PCDH15: variants seen among roughly 807,000 people sequenced by gnomAD.
The protein encoded by PCDH15 is protocadherin related 15.
In PCDH15, 129 loss-of-function variants were observed where a neutral mutation model predicts 178.5. That is an observed-to-expected ratio of 0.72 (90% CI 0.63 to 0.84). PCDH15 has a LOEUF of 0.84. Among genes scored for constraint, PCDH15 ranks in the 40% least tolerant of loss-of-function variants. PCDH15 has a pLI of 0.00. For synonymous variants in PCDH15, 800 were observed against 732.0 expected (o/e 1.09, Z -1.50); for missense variants, 2,230 against 2,099.9 (o/e 1.06, Z -1.21).
At chr10:54,943,380 G>A (rs1049601638) in intron 2 of PCDH15, among the ~76,000 whole-genome samples, 2 of 151,924 alleles carry the variant, frequency 1.3e-5, no homozygotes, top group African/African-American at 4.8e-5. Flanking sequence ...GTGCTCACCT[G>A]AATAATCTAA....
At chr10:55,472,002 C>T (rs764680415) in intron 2 of PCDH15, among the ~76,000 whole-genome samples, 1 of 152,138 alleles carries the variant, frequency 6.6e-6, no homozygotes, top group Non-Finnish European at 1.5e-5. Flanking sequence ...TCCCCATCGT[C>T]TGGTGAGATA....
chr10:54,780,533 T>G (rs1566228478), intron 1 of PCDH15, among the ~76,000 whole-genome samples: 1 of 152,068 alleles, frequency 6.6e-6, no homozygotes, highest in Non-Finnish European at 1.5e-5. Context: ...CTATGTAATT[T>G]TCTTTCACAA....
chr10:54,065,197 T>C (rs1007033371), intron 18 of PCDH15, among the ~76,000 whole-genome samples: 1 of 152,222 alleles, frequency 6.6e-6, no homozygotes, highest in East Asian at 1.9e-4. Context: ...GGATTTAGTG[T>C]ATATGTTTTC....
intron 2 of PCDH15, among the ~76,000 whole-genome samples, chr10:55,624,473 GA>G (rs1211443242): frequency 1.3e-5 from 2 of 150,560 alleles, no homozygotes; most frequent in Non-Finnish European, 2.9e-5. Context: ...AGACAACTGG[GA>G]AATGTCAGTT....
At chr10:54,561,980 C>CTTTTT (rs575547228) in intron 2 of PCDH15, among the ~76,000 whole-genome samples, 1,228 of 75,190 alleles carry the variant, frequency 0.016, 145 homozygotes, top group African/African-American at 0.077. Context: ...CCGCACCCAG[C>CTTTTT]TTTTTTTTTT....
At chr10:54,710,211 G>A (rs2095414442) in intron 1 of PCDH15, among the ~76,000 whole-genome samples, 1 of 151,794 alleles carries the variant, frequency 6.6e-6, no homozygotes, top group African/African-American at 2.4e-5. Context: ...CCACTCAAGT[G>A]GACGATCATG....
At chr10:54,090,687 G>C (rs77398504) in intron 15 of PCDH15, among the ~76,000 whole-genome samples, 4 of 149,184 alleles carry the variant, frequency 2.7e-5, no homozygotes, top group Non-Finnish European at 5.9e-5. Context: ...TTACAGTGTC[G>C]ATAAAGTGTT....
chr10:54,986,604 A>G (rs1433405792), intron 2 of PCDH15, among the ~76,000 whole-genome samples: 30 of 152,176 alleles, frequency 2.0e-4, no homozygotes, highest in Admixed American at 2.0e-3. Context: ...TCCATTATAA[A>G]GGTAGGAAAA....
chr10:55,623,166 C>T (rs190026412), intron 2 of PCDH15, among the ~76,000 whole-genome samples: 114 of 152,210 alleles, frequency 7.5e-4, no homozygotes, highest in Non-Finnish European at 1.3e-3. Context: ...TGAGTTTCTA[C>T]ACAAGTTATT....
chr10:54,456,577 G>C lies in PCDH15; in HGVS notation c.157+71235C>G, dbSNP rs115552496. 8.8e-3 allele frequency among the ~76,000 whole-genome samples: 1,344 copies of C among 152,256 alleles called. 16 individuals are homozygous for C. Among genetic ancestry groups the C allele is most frequent in the African/African-American group, 0.029 (1,205 of 41,550 alleles). On this transcript the variant is annotated intron_variant, in intron 3 of 37. Coordinates refer to ENST00000644397, the MANE Select transcript of PCDH15 (RefSeq NM_001384140.1). Reference sequence around the variant, plus strand: ...TTGTCTCAGATGAGACTTTGGACTTGAACTTTCGAGTACATGCTGGAATGA... The same window carrying C: ...TTGTCTCAGATGAGACTTTGGACTTCAACTTTCGAGTACATGCTGGAATGA...
chr10:55,389,757 C>G (rs1008543856), intron 2 of PCDH15, among the ~76,000 whole-genome samples: 1 of 151,946 alleles, frequency 6.6e-6, no homozygotes, highest in African/African-American at 2.4e-5. Context: ...ATCATCAAAC[C>G]AACAGTTGAA....
intron 2 of PCDH15, among the ~76,000 whole-genome samples, chr10:55,473,723 CT>C (rs1286400930): frequency 1.3e-5 from 2 of 152,100 alleles, no homozygotes; most frequent in Non-Finnish European, 1.5e-5. Flanking sequence ...TCCATGTCCA[CT>C]AATCTGCCTC....
intron 2 of PCDH15, among the ~76,000 whole-genome samples, chr10:54,973,868 A>C (rs2131896529): frequency 6.6e-6 from 1 of 152,262 alleles, no homozygotes; most frequent in African/African-American, 2.4e-5. Context: ...CAAAAGAATT[A>C]TCTCTAATCA....
At chr10:54,233,116 G>A (rs1235290718) in intron 9 of PCDH15, among the ~76,000 whole-genome samples, 1 of 151,584 alleles carries the variant, frequency 6.6e-6, no homozygotes, top group African/African-American at 2.4e-5. Context: ...GCTAATTCTT[G>A]TATTTTTTGT....
At chr10:55,044,905 C>T (rs1162449121) in intron 2 of PCDH15, among the ~76,000 whole-genome samples, 1 of 152,080 alleles carries the variant, frequency 6.6e-6, no homozygotes, top group East Asian at 1.9e-4. Context: ...ATACCCATTC[C>T]TTCCCCAACC....
intron 2 of PCDH15, among the ~76,000 whole-genome samples, chr10:54,618,623 T>C (rs1040915272): frequency 1.2e-4 from 18 of 152,126 alleles, no homozygotes; most frequent in African/African-American, 1.7e-4. Context: ...TAAATAGACA[T>C]ACATATTCTA....
At chr10:54,721,175 T>A (rs927742339) in intron 1 of PCDH15, among the ~76,000 whole-genome samples, 1 of 151,844 alleles carries the variant, frequency 6.6e-6, no homozygotes, top group Non-Finnish European at 1.5e-5. Flanking sequence ...ATCAGGAAAG[T>A]TTTTGAAGCA....
intron 2 of PCDH15, among the ~76,000 whole-genome samples, chr10:55,518,362 T>G (rs1437395259): frequency 6.6e-6 from 1 of 152,070 alleles, no homozygotes; most frequent in Admixed American, 6.6e-5. Flanking sequence ...TATCTAACAG[T>G]CTGGATCATG....
intron 15 of PCDH15, among the ~76,000 whole-genome samples, chr10:54,116,439 TTTG>T (rs1328214464): frequency 1.8e-4 from 27 of 152,116 alleles, no homozygotes; most frequent in Admixed American, 1.8e-3. Context: ...CAAGAGAAAT[TTTG>T]TTGTTGTTGC....
Sources: allele counts gnomAD v4.1 joint callset (sites outside exome capture counted in the v4.1 genomes callset), GRCh38; gene constraint gnomAD v4.1.1; transcripts MANE v1.5; gene names NCBI Gene and HGNC (gene_info 2026-07-23, HGNC 2026-07-21).